Variants in MYT1L observed in about 807,000 individuals in gnomAD.
MYT1L encodes the protein myelin transcription factor 1 like.
MYT1L carries 12 observed loss-of-function variants against 126.7 expected under a neutral mutation model. The observed-to-expected ratio is 0.09, with a 90% CI of 0.06 to 0.15. The LOEUF (loss-of-function observed/expected upper bound fraction) is 0.15. MYT1L is among the 10% of genes least tolerant of loss of function. The pLI, the probability that MYT1L is intolerant of heterozygous loss-of-function variation, is 1.00. For missense variants in MYT1L, 979 were observed against 1,585.2 expected (o/e 0.62, Z 6.49); for synonymous variants, 541 against 604.2 (o/e 0.90, Z 1.53).
chr2:2,051,290 T>C (rs985073289), intron 4 of MYT1L, among the ~76,000 whole-genome samples: 6 of 152,208 alleles, frequency 3.9e-5, no homozygotes, highest in Non-Finnish European at 7.3e-5. Context: ...AAGTCAGCCA[T>C]TTCCAGATTT....
At chr2:1,799,422 C>T (rs924161384) in intron 23 of MYT1L, among the ~76,000 whole-genome samples, 4 of 152,320 alleles carry the variant, frequency 2.6e-5, no homozygotes, top group South Asian at 2.1e-4. Context: ...ACTCAGCCCT[C>T]GGCTGAGCCC....
intron 2 of MYT1L, among the ~76,000 whole-genome samples, chr2:2,240,942 A>G (rs974432578): frequency 6.6e-6 from 1 of 152,122 alleles, no homozygotes; most frequent in African/African-American, 2.4e-5. Context: ...TTTCCCTTTC[A>G]CAGATGTGTC....
intron 5 of MYT1L, among the ~76,000 whole-genome samples, chr2:1,995,605 G>C (rs533788173): frequency 2.2e-4 from 33 of 152,288 alleles, no homozygotes; most frequent in Admixed American, 1.6e-3. Context: ...GAAGTGAGTG[G>C]GTGGTCTCTC....
At chr2:2,187,530 A>G (rs1244576019) in intron 2 of MYT1L, among the ~76,000 whole-genome samples, 1 of 151,808 alleles carries the variant, frequency 6.6e-6, no homozygotes, top group African/African-American at 2.4e-5. Flanking sequence ...GGAGGAAGCC[A>G]GCCTCGCCCC....
chr2:1,902,049 T>C (rs73186647), intron 14 of MYT1L, among the ~76,000 whole-genome samples: 2 of 152,200 alleles, frequency 1.3e-5, no homozygotes, highest in African/African-American at 4.8e-5. Context: ...ATAAGACTTC[T>C]AAATCATCAG....
chr2:2,166,998 T>C (rs1403783042), intron 3 of MYT1L, among the ~76,000 whole-genome samples: 1 of 152,198 alleles, frequency 6.6e-6, no homozygotes, highest in African/African-American at 2.4e-5. Context: ...TTTGATTGAA[T>C]AGCATAAAGC....
chr2:2,179,222 A>G (rs1323426766), intron 2 of MYT1L, among the ~76,000 whole-genome samples: 1 of 152,152 alleles, frequency 6.6e-6, no homozygotes, highest in Non-Finnish European at 1.5e-5. Flanking sequence ...ATTTTGGAGA[A>G]CCCAGTGGTT....
At chr2:2,133,945 C>A (rs114047276) in intron 3 of MYT1L, among the ~76,000 whole-genome samples, 38 of 152,210 alleles carry the variant, frequency 2.5e-4, no homozygotes, top group Non-Finnish European at 4.8e-4. Flanking sequence ...TGTTCATCTA[C>A]GTATGGTGGA....
At chr2:1,908,474 G>A (rs1042074812) in intron 13 of MYT1L, among the ~76,000 whole-genome samples, 7 of 152,140 alleles carry the variant, frequency 4.6e-5, no homozygotes, top group Admixed American at 1.3e-4. Context: ...AAGGTGGGCA[G>A]TGCAGTCACC....
In MYT1L at chr2:1,952,879, T is replaced by C. The variant is rs1327558284; in HGVS notation, c.153-9545A>G. Among the ~76,000 whole-genome samples, 659 of 70,096 alleles carry C rather than the reference T, an allele frequency of 9.4e-3. 11 individuals carry two copies. The highest frequency in any genetic ancestry group is 0.028 in the African/African-American group (361 of 12,802). 46.0% of individuals were successfully genotyped at this position (70,096 alleles called of 152,430 possible). A position where few individuals can be genotyped will look rare whatever the true frequency, so the allele number is the denominator to read the frequency against. Reference sequence around the variant, plus strand: ...TTACCTCCTTCTTTCCCTTCCCTCCTTCCTTCCCTTCCCTCCTTCTTTCCC... The same window carrying C: ...TTACCTCCTTCTTTCCCTTCCCTCCCTCCTTCCCTTCCCTCCTTCTTTCCC... On this transcript the variant is annotated intron_variant, in intron 8 of 24. Transcript: ENST00000647738.
At chr2:1,934,531 TG>T (rs776610032) in intron 9 of MYT1L, among the ~76,000 whole-genome samples, 15 of 152,084 alleles carry the variant, frequency 9.9e-5, no homozygotes, top group Non-Finnish European at 1.9e-4. Context: ...TTTAGGTATC[TG>T]GCTTACATAA....
intron 2 of MYT1L, among the ~76,000 whole-genome samples, chr2:2,232,148 G>A (rs1453690294): frequency 6.6e-6 from 1 of 152,244 alleles, no homozygotes; most frequent in Non-Finnish European, 1.5e-5. Flanking sequence ...TCATGAAAGA[G>A]TGAAGAAAGG....
At chr2:1,990,726 C>T (rs761334384) in intron 5 of MYT1L, among the ~76,000 whole-genome samples, 9 of 152,144 alleles carry the variant, frequency 5.9e-5, no homozygotes, top group Non-Finnish European at 8.8e-5. Context: ...GGGAAAAGAA[C>T]GGCAGTTCTG....
rs1343090370 is a variant in MYT1L, at chr2:1,806,257, C to T, written c.3172+2819G>A. Among the ~76,000 whole-genome samples, 3 of 152,190 alleles carry T rather than the reference C, an allele frequency of 2.0e-5. No homozygotes were observed. The highest frequency in any genetic ancestry group is 4.8e-5 in the African/African-American group (2 of 41,436). ...GCACACACTTGGACTTAGGAAGACCCACTTCCACCACCTGTTCTCCCAGTG... is the reference window on the plus strand; with the variant it reads ...GCACACACTTGGACTTAGGAAGACCTACTTCCACCACCTGTTCTCCCAGTG... On this transcript the variant is annotated intron_variant, in intron 22 of 24. Transcript: ENST00000647738. This position sits in a 1 kb window ranked among gnomAD's most constrained non-coding sequence, Gnocchi z 4.9.
intron 3 of MYT1L, among the ~76,000 whole-genome samples, chr2:2,167,465 G>A (rs992109643): frequency 6.6e-6 from 1 of 152,108 alleles, no homozygotes. Context: ...TGTCCTCCAG[G>A]CACTGGCGTT....
At chr2:1,999,193 T>C (rs1320566095) in intron 4 of MYT1L, among the ~76,000 whole-genome samples, 1 of 152,216 alleles carries the variant, frequency 6.6e-6, no homozygotes, top group African/African-American at 2.4e-5. Flanking sequence ...GTGATATTAA[T>C]ATCACTGGAT....
intron 2 of MYT1L, among the ~76,000 whole-genome samples, chr2:2,257,919 G>T (rs2094864112): frequency 1.4e-5 from 2 of 139,702 alleles, no homozygotes; most frequent in Admixed American, 7.2e-5. Flanking sequence ...AACCAAAAAA[G>T]AGCCCGCATC....
rs1056395441 is a variant in MYT1L, at chr2:2,017,128, T to C, written c.-157-19781A>G. On this transcript the variant is annotated intron_variant, in intron 4 of 24. Transcript: ENST00000647738. ...ACAGGCTGGGGAGTGGCTTGGGCTA[T>C]TGCCGTATTCATGGACTCGTAGACT... 3.3e-5 allele frequency among the ~76,000 whole-genome samples: 5 copies of C among 152,312 alleles called. No individual in the cohort carries two copies. In the East Asian group the frequency reaches 9.7e-4, roughly 29 times the overall value.
At chr2:2,193,592 A>G (rs545423290) in intron 2 of MYT1L, among the ~76,000 whole-genome samples, 1 of 152,304 alleles carries the variant, frequency 6.6e-6, no homozygotes, top group African/African-American at 2.4e-5. Context: ...TGGAACTTCA[A>G]CCATACAATC....
Sources: allele counts gnomAD v4.1 joint callset (sites outside exome capture counted in the v4.1 genomes callset), GRCh38; gene constraint gnomAD v4.1.1; non-coding constraint Gnocchi (gnomAD v3.1); transcripts MANE v1.5; gene names NCBI Gene and HGNC (gene_info 2026-07-23, HGNC 2026-07-21).